ZHX2: variants seen among roughly 807,000 people sequenced by gnomAD.
ZHX2 encodes the protein zinc fingers and homeoboxes protein 2.
Under a neutral mutation model 21.9 loss-of-function variants are expected in ZHX2, and 6 were observed. That is an observed-to-expected ratio of 0.27 (90% CI 0.15 to 0.54). ZHX2 has a LOEUF of 0.54. Ranked by LOEUF, ZHX2 falls within the 20% of genes least tolerant of loss-of-function variation. The probability of loss-of-function intolerance (pLI) is 0.95; values close to 1 mark genes in which losing one functional copy is unlikely to be tolerated. For synonymous variants in ZHX2, 434 were observed against 437.1 expected, an observed-to-expected ratio of 0.99 and a Z score of 0.09; for missense variants, 908 against 1,090.7, an observed-to-expected ratio of 0.83 and a Z score of 2.36.
intron 2 of ZHX2, among the ~76,000 whole-genome samples, chr8:122,942,299 A>G (rs1453968908): frequency 6.6e-6 from 1 of 152,164 alleles, no homozygotes; most frequent in Non-Finnish European, 1.5e-5. Context: ...CCCTTGATGA[A>G]CTGAGGCAGA....
chr8:122,807,173 G>A (rs1295739991), intron 1 of ZHX2, among the ~76,000 whole-genome samples: 1 of 152,210 alleles, frequency 6.6e-6, no homozygotes, highest in Non-Finnish European at 1.5e-5. Flanking sequence ...TACTGGGCAG[G>A]CGCAGGTATT....
At chr8:122,930,118 A>G (rs1347372082) in intron 2 of ZHX2, among the ~76,000 whole-genome samples, 1 of 152,156 alleles carries the variant, frequency 6.6e-6, no homozygotes, top group Non-Finnish European at 1.5e-5. Context: ...CTCAGGGGAA[A>G]ATAGAGGTCC....
At chr8:122,954,697 G>A (rs1196109433) in intron 3 of ZHX2, among the ~76,000 whole-genome samples, 1 of 152,154 alleles carries the variant, frequency 6.6e-6, no homozygotes, top group East Asian at 1.9e-4. Flanking sequence ...TGTGCCCAGG[G>A]GGCAGCACCG....
intron 3 of ZHX2, among the ~76,000 whole-genome samples, chr8:122,969,315 T>G (rs181521131): frequency 1.3e-5 from 2 of 152,288 alleles, no homozygotes; most frequent in African/African-American, 4.8e-5. Flanking sequence ...TGGAGGTATG[T>G]TGTACAACAT....
At chr8:122,945,436 CAAAAAAAAAAAAAAA>C (rs60890533) in intron 2 of ZHX2, among the ~76,000 whole-genome samples, 4 of 73,678 alleles carry the variant, frequency 5.4e-5, no homozygotes, top group Non-Finnish European at 9.7e-5. Flanking sequence ...CCTGTCTCTG[CAAAAAAAAAAAAAAA>C]AAAAAAAAAA....
chr8:122,901,100 GA>G (rs1820218585), intron 2 of ZHX2, among the ~76,000 whole-genome samples: 3 of 152,242 alleles, frequency 2.0e-5, no homozygotes, highest in Admixed American at 2.0e-4. Context: ...TTTACAAAGT[GA>G]TTTGATTTTT....
chr8:122,929,440 C>T (rs1280228750), intron 2 of ZHX2, among the ~76,000 whole-genome samples: 1 of 152,082 alleles, frequency 6.6e-6, no homozygotes, highest in East Asian at 1.9e-4. Context: ...GTCAGGAGTT[C>T]GAGACCTGGC....
chr8:122,847,232 G>A (rs1447774038), intron 1 of ZHX2, among the ~76,000 whole-genome samples: 1 of 152,156 alleles, frequency 6.6e-6, no homozygotes, highest in African/African-American at 2.4e-5. Context: ...CTCTGTGTGA[G>A]CTTCCCCACC....
intron 1 of ZHX2, among the ~76,000 whole-genome samples, chr8:122,849,025 G>A (rs575644187): frequency 9.5e-4 from 144 of 152,344 alleles, no homozygotes; most frequent in African/African-American, 3.3e-3. Flanking sequence ...CCGCCAGGTT[G>A]GATAGAATTC....
At position 122,974,142 on chromosome 8, in the gene ZHX2, A is replaced by G. The variant is rs1211572535; in HGVS notation, c.*905A>G. Reference sequence around the variant, plus strand: ...TTCCTATCTGGAGGGTACAGAGGTGAATGGCTTTGGTTTTCATTTCTCTTC... The same window carrying G: ...TTCCTATCTGGAGGGTACAGAGGTGGATGGCTTTGGTTTTCATTTCTCTTC... On this transcript the variant is annotated 3_prime_UTR_variant, in exon 4 of 4. Transcript: ENST00000314393. 2 of 152,432 alleles carry G rather than the reference A, an allele frequency of 1.3e-5. No individual in the cohort carries two copies. Among genetic ancestry groups the G allele is most frequent in the African/African-American group, 4.8e-5 (2 of 41,344 alleles). The allele number at this position is 152,432 out of a possible 1,614,324, so 9.4% of individuals were successfully genotyped here. A position where few individuals can be genotyped will look rare whatever the true frequency, so the allele number is the denominator to read the frequency against.
At chr8:122,786,394 G>A (rs1302222270) in intron 1 of ZHX2, among the ~76,000 whole-genome samples, 1 of 152,194 alleles carries the variant, frequency 6.6e-6, no homozygotes, top group Non-Finnish European at 1.5e-5. Context: ...CCTCCAGCAA[G>A]GGCCAGCCTC....
At chr8:122,879,532 A>AT (rs544341893) in intron 2 of ZHX2, among the ~76,000 whole-genome samples, 22 of 147,970 alleles carry the variant, frequency 1.5e-4, no homozygotes, top group East Asian at 6.0e-4. Flanking sequence ...ATTCTGCGTC[A>AT]TTTTTTTCAT....
At chr8:122,833,006 G>T (rs1306202700) in intron 1 of ZHX2, among the ~76,000 whole-genome samples, 1 of 152,154 alleles carries the variant, frequency 6.6e-6, no homozygotes, top group Non-Finnish European at 1.5e-5. Context: ...GTACGAAGAG[G>T]TGGGGGCTGT....
chr8:122,890,196 G>A (rs1284978394), intron 2 of ZHX2, among the ~76,000 whole-genome samples: 5 of 152,022 alleles, frequency 3.3e-5, no homozygotes, highest in Admixed American at 6.6e-5. Flanking sequence ...TTTTCCCAGC[G>A]CCATTTATTG....
chr8:122,893,454 A>C (rs555552393), intron 2 of ZHX2, among the ~76,000 whole-genome samples: 1 of 152,108 alleles, frequency 6.6e-6, no homozygotes, highest in African/African-American at 2.4e-5. Context: ...CTATACTGTG[A>C]ATATTTCACT....
At chr8:122,783,387 G>T (rs903089197) in intron 1 of ZHX2, among the ~76,000 whole-genome samples, 1 of 152,228 alleles carries the variant, frequency 6.6e-6, no homozygotes, top group Middle Eastern at 3.4e-3. Flanking sequence ...AGATCTCCAG[G>T]TCTCAGGCAG....
At chr8:122,853,856 T>C (rs1251518465) in intron 1 of ZHX2, among the ~76,000 whole-genome samples, 1 of 152,034 alleles carries the variant, frequency 6.6e-6, no homozygotes, top group African/African-American at 2.4e-5. Context: ...CCATACTCCT[T>C]GGAATGTTGA....
At chr8:122,876,426 C>T (rs934375568) in intron 2 of ZHX2, among the ~76,000 whole-genome samples, 3 of 152,118 alleles carry the variant, frequency 2.0e-5, no homozygotes, top group Non-Finnish European at 1.5e-5. Flanking sequence ...AAATTATGCT[C>T]CTGACAGACG....
chr8:122,780,803 A>C (rs1269043885), upstream of ZHX2: 2 of 152,202 alleles, frequency 1.3e-5, no homozygotes, highest in South Asian at 4.1e-4. Context: ...AGGCGTGTGC[A>C]TTTCTTCGAA....
Sources: allele counts gnomAD v4.1 joint callset (sites outside exome capture counted in the v4.1 genomes callset), GRCh38; gene constraint gnomAD v4.1.1; transcripts MANE v1.5; gene names NCBI Gene and HGNC (gene_info 2026-07-23, HGNC 2026-07-21).